Variants in GK5 observed in about 807,000 individuals in gnomAD.
GK5 encodes the protein glycerol kinase 5.
In GK5, 39 loss-of-function variants were observed where a neutral mutation model predicts 77.3. The ratio of observed to expected loss-of-function variants is 0.50; its 90% CI spans 0.39 to 0.66. The LOEUF is 0.66. GK5 is among the 30% of genes least tolerant of loss of function. The pLI, the probability that GK5 is intolerant of heterozygous loss-of-function variation, is 0.00. For synonymous variants in GK5, 211 were observed against 208.0 expected (o/e 1.01, Z -0.13); for missense variants, 487 against 633.8 (o/e 0.77, Z 2.49).
At chr3:142,199,009 G>A (rs565591823) in intron 4 of GK5, 76 bp from the exon 5 acceptor site, 12 of 1,045,202 alleles carry the variant, frequency 1.1e-5, no homozygotes, top group Non-Finnish European at 1.6e-5. Context: ...CTATATACAT[G>A]CAAACAAACC....
intron 15 of GK5, among the ~76,000 whole-genome samples, chr3:142,169,568 C>A (rs1348900700): frequency 6.6e-6 from 1 of 151,834 alleles, no homozygotes; most frequent in Non-Finnish European, 1.5e-5. Flanking sequence ...TTATTGTATT[C>A]AAAGTTGAGC....
chr3:142,207,810 T>C (rs538543234), intron 3 of GK5, among the ~76,000 whole-genome samples: 2 of 152,330 alleles, frequency 1.3e-5, no homozygotes, highest in East Asian at 1.9e-4. Flanking sequence ...GAGAGCCCCG[T>C]TGTATTGCGG....
rs557156828 is a variant in GK5 at position 142,195,787 on chromosome 3, T to C, written c.543+3015A>G. On this transcript the variant is annotated intron_variant, in intron 5 of 15. Coordinates refer to ENST00000392993, the MANE Select transcript of GK5 (RefSeq NM_001039547.3). ...TGGGAAGTATCTCTCACTCCAATAA[T>C]GGAAGTATAATCCACTCCAATAATG... Among the ~76,000 whole-genome samples the C allele has an allele frequency of 5.9e-5, 9 of 152,334 alleles. No homozygotes were observed. The South Asian group carries it at 1.9e-3, about 32-fold the overall frequency.
chr3:142,191,942 G>A (rs1410681057), intron 5 of GK5, among the ~76,000 whole-genome samples: 1 of 152,078 alleles, frequency 6.6e-6, no homozygotes, highest in African/African-American at 2.4e-5. Flanking sequence ...AGGCTATAAT[G>A]AGCCACGATC....
At chr3:142,177,438 G>A in intron 12 of GK5, 44 bp downstream of exon 12, 1 of 1,092,590 alleles carries the variant, frequency 9.2e-7, no homozygotes, top group East Asian at 2.4e-5. Flanking sequence ...GTGGCAGGAG[G>A]AGAAAAATAT....
At position 142,163,271 on chromosome 3, in the gene GK5, T is replaced by C. The variant is rs943145968; in HGVS notation, c.*2351A>G. 5.8e-5 allele frequency: 8 copies of C among 138,310 alleles called. No individual in the cohort carries two copies. Among genetic ancestry groups the C allele is most frequent in the African/African-American group, 1.8e-4 (6 of 33,724 alleles). 8.6% of individuals were successfully genotyped at this position (138,310 alleles called of 1,614,324 possible). A position where few individuals can be genotyped will look rare whatever the true frequency, so the allele number is the denominator to read the frequency against. On this transcript the variant is annotated 3_prime_UTR_variant, in exon 16 of 16. Transcript: ENST00000392993. Reference sequence around the variant, plus strand: ...ACTTTCCAACATTATCTGAAAAGTATTGATCCTTTTTTTTTTTTTTTGAGA... The same window carrying C: ...ACTTTCCAACATTATCTGAAAAGTACTGATCCTTTTTTTTTTTTTTTGAGA...
At chr3:142,185,666 G>A in intron 9 of GK5, 1 of 1,272,582 alleles carries the variant, frequency 7.9e-7, no homozygotes, top group South Asian at 1.6e-5. Flanking sequence ...TTTAATTTAA[G>A]TTTTCTGATA....
intron 3 of GK5, 27 bp downstream of exon 3, chr3:142,213,499 A>AG: frequency 7.5e-7 from 1 of 1,332,222 alleles, no homozygotes; most frequent in African/African-American, 1.5e-5. Context: ...ACCCAGCAGT[A>AG]GGGTGCTTAT....
In GK5 at chr3:142,193,492, A is replaced by C. The variant is rs540781163; in HGVS notation, c.543+5310T>G. ...ATCAGCTTGTCTGCTACAAAAAAAA[A>C]AAAACAAAAAAAAAAGCAGAAATTT... On this transcript the variant is annotated intron_variant, in intron 5 of 15. Coordinates refer to ENST00000392993, the MANE Select transcript of GK5 (RefSeq NM_001039547.3). Among the ~76,000 whole-genome samples the C allele has an allele frequency of 2.6e-5, 4 of 151,762 alleles. No homozygotes were observed. The South Asian group carries it at 6.2e-4, about 24-fold the overall frequency.
chr3:142,195,208 C>T (rs1444512976), intron 5 of GK5, among the ~76,000 whole-genome samples: 2 of 151,986 alleles, frequency 1.3e-5, no homozygotes, highest in African/African-American at 2.4e-5. Context: ...TATAAAAGAT[C>T]CATATTAATT....
intron 4 of GK5, chr3:142,204,467 G>C: frequency 1.7e-6 from 1 of 574,128 alleles, no homozygotes; most frequent in South Asian, 1.7e-5. Flanking sequence ...TCACTAACAT[G>C]TGAAACTCTG....
At position 142,160,819 on chromosome 3, in the gene GK5, A is replaced by G. The variant is rs1365751682; in HGVS notation, c.*4803T>C. On this transcript the variant is annotated 3_prime_UTR_variant, in exon 16 of 16. Coordinates refer to ENST00000392993, the MANE Select transcript of GK5 (RefSeq NM_001039547.3). ...TAGCACCCTCAAACTCCTGTGTTCAAGCGATTCTCCTGCTTCGGTTTCCTG... is the reference window on the plus strand; with the variant it reads ...TAGCACCCTCAAACTCCTGTGTTCAGGCGATTCTCCTGCTTCGGTTTCCTG... 4 of 151,980 alleles carry G rather than the reference A, an allele frequency of 2.6e-5. No individual in the cohort carries two copies. Among genetic ancestry groups the G allele is most frequent in the African/African-American group, 7.3e-5 (3 of 41,336 alleles). 9.4% of individuals were successfully genotyped at this position (151,980 alleles called of 1,614,324 possible). A position where few individuals can be genotyped will look rare whatever the true frequency, so the allele number is the denominator to read the frequency against.
intron 11 of GK5, among the ~76,000 whole-genome samples, chr3:142,178,184 T>C: frequency 6.6e-6 from 1 of 152,180 alleles, no homozygotes. Context: ...ATATTTGGGC[T>C]GTTTAAAAAA....
At chr3:142,177,373 T>A in intron 12 of GK5, 109 bp downstream of exon 12, 2 of 683,402 alleles carry the variant, frequency 2.9e-6, no homozygotes, top group East Asian at 5.1e-5. Context: ...TCATCTTAGT[T>A]CTGTTCAGTG....
intron 4 of GK5, among the ~76,000 whole-genome samples, chr3:142,202,816 G>A (rs2064047181): frequency 6.6e-6 from 1 of 152,146 alleles, no homozygotes; most frequent in Non-Finnish European, 1.5e-5. Flanking sequence ...AATTAGCCAG[G>A]CATGGCGGCA....
intron 10 of GK5, 78 bp downstream of exon 10, chr3:142,182,845 T>TAGTATAAG (rs2063715497): frequency 1.1e-6 from 1 of 934,516 alleles, no homozygotes; most frequent in Non-Finnish European, 1.6e-6. Flanking sequence ...AATGGGAAAA[T>TAGTATAAG]AGTATAAGTA....
At chr3:142,213,089 C>T (rs2064217696) in intron 3 of GK5, among the ~76,000 whole-genome samples, 1 of 152,082 alleles carries the variant, frequency 6.6e-6, no homozygotes, top group South Asian at 2.1e-4. Context: ...CCACCTCGGC[C>T]TCCCAAAGTG....
chr3:142,222,181 A>G (rs1355985746), intron 1 of GK5, among the ~76,000 whole-genome samples: 1 of 152,252 alleles, frequency 6.6e-6, no homozygotes, highest in Non-Finnish European at 1.5e-5. Flanking sequence ...ACCAGGTACT[A>G]AGCAGCAATG....
In GK5 at chr3:142,209,242, G is replaced by A. The variant is rs182452909; in HGVS notation, c.317+4284C>T. On this transcript the variant is annotated intron_variant, in intron 3 of 15. Coordinates refer to ENST00000392993, the MANE Select transcript of GK5 (RefSeq NM_001039547.3). Reference sequence around the variant, plus strand: ...AGTGAAGGCTTCAGAAATGGCAATGGATCTCAGCTCTGAAGGATAAGAAGG... The same window carrying A: ...AGTGAAGGCTTCAGAAATGGCAATGAATCTCAGCTCTGAAGGATAAGAAGG... Among the ~76,000 whole-genome samples the A allele has an allele frequency of 1.5e-3, 231 of 152,300 alleles. No individual in the cohort carries two copies. The Middle Eastern group carries it at 0.017, about 11-fold the overall frequency.
Sources: gnomAD v4.1 joint callset for allele counts (sites outside exome capture counted in the v4.1 genomes callset) on GRCh38, gnomAD v4.1.1 for gene constraint, MANE v1.5 for transcripts, NCBI Gene and HGNC (gene_info 2026-07-23, HGNC 2026-07-21) for gene names.